Variants in DCC observed in about 807,000 individuals in gnomAD.
The protein encoded by DCC is netrin receptor DCC.
DCC carries 58 observed loss-of-function variants against 172.5 expected under a neutral mutation model. The ratio of observed to expected loss-of-function variants is 0.34; its 90% CI spans 0.27 to 0.42. The LOEUF (loss-of-function observed/expected upper bound fraction) is 0.42, where lower values mean the gene tolerates loss of function less well. DCC is among the 10% of genes least tolerant of loss of function. The pLI, the probability that DCC is intolerant of heterozygous loss-of-function variation, is 1.00. For missense variants in DCC, 1,740 were observed against 1,791.0 expected (o/e 0.97, Z 0.51); for synonymous variants, 709 against 644.5 (o/e 1.10, Z -1.52).
intron 13 of DCC, among the ~76,000 whole-genome samples, chr18:53,316,309 C>A (rs1456528393): frequency 6.6e-6 from 1 of 152,090 alleles, no homozygotes; most frequent in East Asian, 1.9e-4. Context: ...TTCCTTTGCT[C>A]TATATATCTG....
intron 1 of DCC, among the ~76,000 whole-genome samples, chr18:52,539,095 T>C (rs2144698068): frequency 6.6e-6 from 1 of 152,344 alleles, no homozygotes; most frequent in East Asian, 1.9e-4. Flanking sequence ...TGTTAGAACA[T>C]GAACTGGCAT....
intron 13 of DCC, among the ~76,000 whole-genome samples, chr18:53,321,045 A>G (rs2057405649): frequency 6.6e-6 from 1 of 152,170 alleles, no homozygotes. Context: ...ACCATCTCCT[A>G]TTAGTAGTAA....
At chr18:53,070,003 A>G (rs1378963049) in intron 7 of DCC, among the ~76,000 whole-genome samples, 1 of 148,808 alleles carries the variant, frequency 6.7e-6, no homozygotes, top group Non-Finnish European at 1.5e-5. Flanking sequence ...TTTTTGAGAC[A>G]GAATCTCACT....
In DCC at chr18:53,135,149, C is replaced by T. The variant is rs527882732; in HGVS notation, c.1262-22207C>T. Among the ~76,000 whole-genome samples, 9 of 152,250 alleles carry T rather than the reference C, an allele frequency of 5.9e-5. No individual in the cohort carries two copies. In the East Asian group the frequency reaches 1.7e-3, roughly 29 times the overall value. Reference sequence around the variant, plus strand: ...AGACACCCTCTCTGCACCCTTGCTTCTCAGCTTATTGGAACAGACTGACGG... The same window carrying T: ...AGACACCCTCTCTGCACCCTTGCTTTTCAGCTTATTGGAACAGACTGACGG... On this transcript the variant is annotated intron_variant, in intron 7 of 28. Coordinates refer to ENST00000442544, the MANE Select transcript of DCC (RefSeq NM_005215.4).
chr18:52,506,728 G>A (rs2031242615), intron 1 of DCC, among the ~76,000 whole-genome samples: 1 of 151,986 alleles, frequency 6.6e-6, no homozygotes, highest in Non-Finnish European at 1.5e-5. Context: ...ATTCAGCATT[G>A]CTGTTAATGA....
intron 5 of DCC, among the ~76,000 whole-genome samples, chr18:52,939,009 C>T (rs575044861): frequency 6.8e-4 from 104 of 152,268 alleles, no homozygotes; most frequent in African/African-American, 2.4e-3. Context: ...GATGCACCTT[C>T]GTAGAAACTC....
chr18:53,535,301 G>A lies in DCC; in HGVS notation c.*4648G>A, dbSNP rs1315359991. 6.6e-6 allele frequency: 1 copy of A among 152,166 alleles called. No individual in the cohort carries two copies. Among genetic ancestry groups the A allele is most frequent in the Non-Finnish European group, 1.5e-5 (1 of 68,024 alleles). The allele number at this position is 152,166 out of a possible 1,614,324, so 9.4% of individuals were successfully genotyped here. A position where few individuals can be genotyped will look rare whatever the true frequency, so the allele number is the denominator to read the frequency against. On this transcript the variant is annotated 3_prime_UTR_variant, in exon 29 of 29. Transcript: ENST00000442544. ...TAAAGCTGCAGTGTTCCATACCTCA[G>A]AGGGACCACTTTGGAAATGAATTGT...
chr18:52,753,037 G>A (rs888051467), intron 2 of DCC, among the ~76,000 whole-genome samples: 1 of 151,538 alleles, frequency 6.6e-6, no homozygotes, highest in Non-Finnish European at 1.5e-5. Flanking sequence ...TTACCCATTC[G>A]TGATTGATTC....
chr18:52,678,562 G>A (rs190809159), intron 1 of DCC, among the ~76,000 whole-genome samples: 2 of 152,220 alleles, frequency 1.3e-5, no homozygotes, highest in Admixed American at 1.3e-4. Flanking sequence ...CGCTCGACAT[G>A]TAAGAAGCTT....
chr18:53,128,870 C>CACACACACATATAT (rs1300738812), intron 7 of DCC, among the ~76,000 whole-genome samples: 2 of 77,460 alleles, frequency 2.6e-5, no homozygotes, highest in East Asian at 4.0e-4. Context: ...CACACACACA[C>CACACACACATATAT]ATATATATAT....
intron 1 of DCC, among the ~76,000 whole-genome samples, chr18:52,507,422 C>A (rs191017357): frequency 6.6e-6 from 1 of 152,156 alleles, no homozygotes; most frequent in Admixed American, 6.5e-5. Context: ...TAAGCATTTG[C>A]ATTCTTAATA....
chr18:53,383,649 G>T (rs1420205789), intron 15 of DCC, among the ~76,000 whole-genome samples: 1 of 151,108 alleles, frequency 6.6e-6, no homozygotes, highest in African/African-American at 2.4e-5. Context: ...TGTGTATTAG[G>T]GATGGTTATT....
chr18:53,147,959 G>C (rs76276534), intron 7 of DCC, among the ~76,000 whole-genome samples: 1 of 152,108 alleles, frequency 6.6e-6, no homozygotes, highest in Non-Finnish European at 1.5e-5. Context: ...AAAGAGAGTA[G>C]CTTAAACCTT....
intron 1 of DCC, among the ~76,000 whole-genome samples, chr18:52,342,280 C>T (rs201158164): frequency 8.6e-5 from 13 of 150,302 alleles, no homozygotes; most frequent in Middle Eastern, 3.4e-3. Flanking sequence ...TGTGTGTGTG[C>T]GTGTGTGTGT....
intron 1 of DCC, among the ~76,000 whole-genome samples, chr18:52,535,870 A>G (rs2032273801): frequency 6.6e-6 from 1 of 152,206 alleles, no homozygotes; most frequent in Admixed American, 6.5e-5. Context: ...GAAAAGAGCC[A>G]AAGCCTGATT....
intron 1 of DCC, among the ~76,000 whole-genome samples, chr18:52,650,485 G>A (rs1359245083): frequency 6.6e-6 from 1 of 152,086 alleles, no homozygotes; most frequent in Non-Finnish European, 1.5e-5. Context: ...CACCAACAGT[G>A]TATTAGCATG....
chr18:53,119,132 G>A (rs1157584080), intron 7 of DCC, among the ~76,000 whole-genome samples: 1 of 151,740 alleles, frequency 6.6e-6, no homozygotes, highest in East Asian at 1.9e-4. Flanking sequence ...GTATCACAAA[G>A]CTTTGTACAA....
chr18:53,037,980 C>T (rs1344009353), intron 5 of DCC, among the ~76,000 whole-genome samples: 1 of 151,892 alleles, frequency 6.6e-6, no homozygotes, highest in Non-Finnish European at 1.5e-5. Context: ...TATGTCAAAG[C>T]TCTACCTTTG....
At chr18:53,222,383 C>CTTTTTTTTTTTTTTTTTTTTT (rs67373546) in intron 12 of DCC, among the ~76,000 whole-genome samples, 35 of 104,208 alleles carry the variant, frequency 3.4e-4, no homozygotes, top group Non-Finnish European at 4.9e-4. Flanking sequence ...TTTCTTTTTT[C>CTTTTTTTTTTTTTTTTTTTTT]TTTTTTTTTT....
Sources: allele counts gnomAD v4.1 joint callset (sites outside exome capture counted in the v4.1 genomes callset), GRCh38; gene constraint gnomAD v4.1.1; transcripts MANE v1.5; gene names NCBI Gene and HGNC (gene_info 2026-07-23, HGNC 2026-07-21).